RBFOX1: variants seen among roughly 807,000 people sequenced by gnomAD.
RBFOX1 encodes RNA binding fox-1 homolog 1.
RBFOX1 carries 8 observed loss-of-function variants against 57.7 expected under a neutral mutation model. The observed-to-expected ratio is 0.14, with a 90% CI of 0.08 to 0.25. The LOEUF (loss-of-function observed/expected upper bound fraction) is 0.25. RBFOX1 is among the 10% of genes least tolerant of loss of function. The probability of loss-of-function intolerance (pLI) is 1.00; values close to 1 mark genes in which losing one functional copy is unlikely to be tolerated. For synonymous variants in RBFOX1, 326 were observed against 222.4 expected (o/e 1.47, Z -4.15); for missense variants, 611 against 548.5 (o/e 1.11, Z -1.14).
chr16:5,770,767 A>T (rs376197378), intron 3 of RBFOX1, among the ~76,000 whole-genome samples: 6 of 152,218 alleles, frequency 3.9e-5, no homozygotes, highest in African/African-American at 1.2e-4. Context: ...TGTACAATGA[A>T]CTGGCAGGAT....
At chr16:7,263,263 C>G (rs1014506551) in intron 4 of RBFOX1, among the ~76,000 whole-genome samples, 8 of 152,138 alleles carry the variant, frequency 5.3e-5, no homozygotes, top group Non-Finnish European at 1.0e-4. Flanking sequence ...ATCCTTAGTA[C>G]CCAGGAAGCA....
rs928842015 is a variant in RBFOX1, at chr16:6,076,230, C to T, written c.-127+56238C>T. Among the ~76,000 whole-genome samples, 100 of 151,654 alleles carry T rather than the reference C, an allele frequency of 6.6e-4. 2 individuals are homozygous for T. Among genetic ancestry groups the T allele is most frequent in the African/African-American group, 1.7e-3 (70 of 41,330 alleles). ...AGGAGAATTGCTTGAACCCGGGAGG[C>T]GGAAGTTGCAGTGAGCCGAGATTGT... On this transcript the variant is annotated intron_variant, in intron 1 of 15. Transcript: ENST00000550418.
chr16:6,664,671 G>A (rs1341513421), intron 3 of RBFOX1, among the ~76,000 whole-genome samples: 5 of 152,296 alleles, frequency 3.3e-5, no homozygotes, highest in South Asian at 4.1e-4. Flanking sequence ...TGAATCCAGT[G>A]TCTGAAATTG....
chr16:7,265,500 G>A (rs957481573), intron 4 of RBFOX1, among the ~76,000 whole-genome samples: 1 of 152,044 alleles, frequency 6.6e-6, no homozygotes, highest in Admixed American at 6.6e-5. Context: ...CCAGGCTGGA[G>A]TGCAGTGGCA....
At chr16:5,647,753 C>G (rs1015628672) in intron 3 of RBFOX1, among the ~76,000 whole-genome samples, 4 of 152,232 alleles carry the variant, frequency 2.6e-5, no homozygotes, top group African/African-American at 9.6e-5. Context: ...AATCAGCTGC[C>G]AGGCTTGGTA....
At chr16:5,349,164 T>C (rs753129787) in intron 1 of RBFOX1, among the ~76,000 whole-genome samples, 2 of 152,290 alleles carry the variant, frequency 1.3e-5, no homozygotes, top group East Asian at 1.9e-4. Context: ...TGAAGGACAT[T>C]ATGCTAAGGG....
chr16:5,817,071 T>C (rs1261258967), intron 3 of RBFOX1, among the ~76,000 whole-genome samples: 1 of 152,128 alleles, frequency 6.6e-6, no homozygotes, highest in African/African-American at 2.4e-5. Flanking sequence ...ATCAGACATA[T>C]CCCATTTTGG....
intron 4 of RBFOX1, among the ~76,000 whole-genome samples, chr16:7,460,842 C>T (rs2059451403): frequency 6.6e-6 from 1 of 152,144 alleles, no homozygotes; most frequent in Non-Finnish European, 1.5e-5. Flanking sequence ...CCCAAAATTT[C>T]TGATTTGATA....
chr16:6,210,061 T>C (rs1056297315), intron 1 of RBFOX1, among the ~76,000 whole-genome samples: 1 of 151,980 alleles, frequency 6.6e-6, no homozygotes, highest in African/African-American at 2.4e-5. Context: ...CTCATGCCTG[T>C]AGTCACAGCA....
intron 14 of RBFOX1, among the ~76,000 whole-genome samples, chr16:7,699,525 A>G (rs1401176609): frequency 6.6e-6 from 1 of 152,216 alleles, no homozygotes; most frequent in East Asian, 1.9e-4. Flanking sequence ...AAAAGAGCAC[A>G]CAATAGGACT....
chr16:5,896,482 A>T (rs189861010), intron 4 of RBFOX1, among the ~76,000 whole-genome samples: 20 of 152,254 alleles, frequency 1.3e-4, no homozygotes, highest in African/African-American at 4.6e-4. Context: ...TTCTCTGCAC[A>T]TGTGGGCTCT....
rs934988522 is a variant in RBFOX1 at position 6,340,785 on chromosome 16, T to G, written c.-64+23728T>G. Reference sequence around the variant, plus strand: ...CTTAGAATTCCTTACTATCTGGGAATGCAGCCCAGTAGGTCTTAGCCTCCT... The same window carrying G: ...CTTAGAATTCCTTACTATCTGGGAAGGCAGCCCAGTAGGTCTTAGCCTCCT... On this transcript the variant is annotated intron_variant, in intron 2 of 15. Coordinates refer to ENST00000550418, the MANE Select transcript of RBFOX1 (RefSeq NM_018723.4). Among the ~76,000 whole-genome samples, 11 of 152,292 alleles carry G rather than the reference T, an allele frequency of 7.2e-5. No homozygotes were observed. In the East Asian group the frequency reaches 2.1e-3, roughly 29 times the overall value.
chr16:5,653,092 T>C (rs1232399444), intron 3 of RBFOX1, among the ~76,000 whole-genome samples: 59 of 144,730 alleles, frequency 4.1e-4, no homozygotes, highest in Non-Finnish European at 7.5e-5. Context: ...GGTGCTGAGT[T>C]GTGTGCTGGG....
intron 3 of RBFOX1, among the ~76,000 whole-genome samples, chr16:6,718,691 C>G (rs980503897): frequency 2.6e-5 from 4 of 152,098 alleles, no homozygotes; most frequent in African/African-American, 9.7e-5. Flanking sequence ...TGAGTGAGGT[C>G]TCACAAGATC....
intron 3 of RBFOX1, among the ~76,000 whole-genome samples, chr16:5,775,350 C>T (rs1023790959): frequency 2.0e-5 from 3 of 152,088 alleles, no homozygotes; most frequent in Non-Finnish European, 2.9e-5. Flanking sequence ...TGATGTTATA[C>T]CTGGGAATTT....
intron 3 of RBFOX1, among the ~76,000 whole-genome samples, chr16:6,672,358 G>C (rs1240949669): frequency 6.6e-6 from 1 of 151,270 alleles, no homozygotes; most frequent in East Asian, 1.9e-4. Flanking sequence ...AGGAGAGTGA[G>C]AGAGAGAAGA....
intron 3 of RBFOX1, among the ~76,000 whole-genome samples, chr16:5,763,773 T>C (rs1053234564): frequency 4.6e-5 from 7 of 152,206 alleles, no homozygotes; most frequent in African/African-American, 1.7e-4. Flanking sequence ...TTCACAGAGC[T>C]CATCACTTCC....
chr16:6,727,371 A>C (rs2067474993), intron 3 of RBFOX1, among the ~76,000 whole-genome samples: 1 of 152,020 alleles, frequency 6.6e-6, no homozygotes, highest in African/African-American at 2.4e-5. Context: ...ATATTTTCTT[A>C]AGTATCCAGG....
intron 3 of RBFOX1, among the ~76,000 whole-genome samples, chr16:5,865,969 T>C (rs535408156): frequency 1.3e-5 from 2 of 152,194 alleles, no homozygotes; most frequent in South Asian, 4.2e-4. Context: ...TCTCCTCTTT[T>C]ATGTTTCATT....
Sources: allele counts gnomAD v4.1 joint callset (sites outside exome capture counted in the v4.1 genomes callset), GRCh38; gene constraint gnomAD v4.1.1; transcripts MANE v1.5; gene names NCBI Gene and HGNC (gene_info 2026-07-23, HGNC 2026-07-21).